TMEM39B: variants seen among roughly 807,000 people sequenced by gnomAD.
The protein encoded by TMEM39B is transmembrane protein 39B.
A neutral mutation model predicts 52.2 loss-of-function variants in TMEM39B; 23 were observed. That is an observed-to-expected ratio of 0.44 (90% CI 0.32 to 0.62). TMEM39B has a LOEUF of 0.62. Ranked by LOEUF, TMEM39B falls within the 20% of genes least tolerant of loss-of-function variation. TMEM39B has a pLI of 0.06. For missense variants in TMEM39B, 547 were observed against 642.0 expected, an observed-to-expected ratio of 0.85 and a Z score of 1.60; for synonymous variants, 285 against 264.0, an observed-to-expected ratio of 1.08 and a Z score of -0.77.
In TMEM39B at chr1:32,102,792, G is replaced by C; in HGVS notation, c.*119G>C. On this transcript the variant is annotated 3_prime_UTR_variant, in exon 9 of 9. Transcript: ENST00000336294. ...AGACAAAAAAATCCACCAGAGCTTT[G>C]TATTTTTGTTACGTACTGTTTCTTT... is the stretch of plus-strand genomic sequence containing the variant. 1.6e-6 allele frequency: 2 copies of C among 1,222,756 alleles called. No homozygotes were observed. The highest frequency in any genetic ancestry group is 1.5e-5 in the African/African-American group (1 of 64,836). The allele number at this position is 1,222,756 out of a possible 1,614,324, so 75.7% of individuals were successfully genotyped here.
chr1:32,074,919 C>CT, intron 1 of TMEM39B, 32 bp from the exon 2 acceptor site: 2 of 1,538,924 alleles, frequency 1.3e-6, no homozygotes, highest in Non-Finnish European at 1.8e-6. Context: ...TGCCCCCTGG[C>CT]TTGAGGCTCT....
chr1:32,088,580 T>C (rs1352221251), intron 5 of TMEM39B, among the ~76,000 whole-genome samples: 2 of 151,748 alleles, frequency 1.3e-5, no homozygotes, highest in Non-Finnish European at 2.9e-5. Context: ...TTTTTTTTTT[T>C]TTCTGATACA....
At chr1:32,098,738 CAA>C (rs1265403730) in intron 7 of TMEM39B, among the ~76,000 whole-genome samples, 1 of 143,212 alleles carries the variant, frequency 7.0e-6, no homozygotes, top group Admixed American at 7.0e-5. Context: ...GACTCTGTCT[CAA>C]AAAAAAAAAG....
chr1:32,099,661 G>A (rs1640944818), intron 7 of TMEM39B, among the ~76,000 whole-genome samples: 1 of 152,166 alleles, frequency 6.6e-6, no homozygotes, highest in Non-Finnish European at 1.5e-5. Flanking sequence ...CATGAGCTGT[G>A]TGGTGAGGGT....
chr1:32,088,184 G>A (rs1408356740), intron 5 of TMEM39B, among the ~76,000 whole-genome samples: 1 of 149,086 alleles, frequency 6.7e-6, no homozygotes, highest in Non-Finnish European at 1.5e-5. Context: ...TTGGGCGGCC[G>A]AAGTGGGCGA....
At position 32,075,708 on chromosome 1, in the gene TMEM39B, G is replaced by A. The variant is rs986144477; in HGVS notation, c.237G>A (p.Leu79=). The A allele has an allele frequency of 8.4e-6, 13 of 1,551,682 alleles. No homozygotes were observed. Among genetic ancestry groups the A allele is most frequent in the Middle Eastern group, 1.7e-4 (1 of 6,012 alleles). ...IPELPVQASI[L]FELQLFFCQL... Reference sequence around the variant, plus strand: ...AGCTGCCAGTCCAGGCCAGCATTCTGTTTGAGTTGCAGCTCTTCTTCTGCC... The same window carrying A: ...AGCTGCCAGTCCAGGCCAGCATTCTATTTGAGTTGCAGCTCTTCTTCTGCC... The change falls in exon 3 of 9, where the codon CTG becomes CTA. Residue 79 remains leucine, a synonymous_variant. Transcript: ENST00000336294.
chr1:32,092,069 G>C (rs1640631841), intron 6 of TMEM39B, 58 bp downstream of exon 6: 4 of 1,514,368 alleles, frequency 2.6e-6, no homozygotes, highest in Admixed American at 1.8e-5. Context: ...CCTGCTGCCT[G>C]CCCGATGTGA....
chr1:32,084,200 C>G (rs1465186458), intron 5 of TMEM39B, among the ~76,000 whole-genome samples: 3 of 152,028 alleles, frequency 2.0e-5, no homozygotes, highest in Admixed American at 6.6e-5. Context: ...TCATCATATC[C>G]TCAAGTTTAT....
chr1:32,075,870 G>A (rs1261097288), intron 3 of TMEM39B, 48 bp downstream of exon 3: 51 of 1,209,968 alleles, frequency 4.2e-5, no homozygotes, highest in Non-Finnish European at 5.3e-5. Context: ...GTGTGCGTGT[G>A]TGTGTATGTG....
At chr1:32,098,484 G>A (rs1640896900) in intron 7 of TMEM39B, among the ~76,000 whole-genome samples, 1 of 152,098 alleles carries the variant, frequency 6.6e-6, no homozygotes, top group Admixed American at 6.5e-5. Context: ...TGTAATCCCA[G>A]CACTTTGGGA....
At chr1:32,075,856 G>T (rs1380640188) in intron 3 of TMEM39B, 34 bp downstream of exon 3, 2 of 1,303,830 alleles carry the variant, frequency 1.5e-6, no homozygotes, top group Non-Finnish European at 2.1e-6. Context: ...GTGTGTGTGT[G>T]TGTGTGTGCG....
chr1:32,091,688 A>G lies in TMEM39B; in HGVS notation c.604A>G (p.Ile202Val), dbSNP rs773655579. The G allele has an allele frequency of 1.3e-5, 21 of 1,603,630 alleles. No individual in the cohort carries two copies. Among genetic ancestry groups the G allele is most frequent in the Middle Eastern group, 1.7e-4 (1 of 5,998 alleles). Residue 202 changes from isoleucine (I) to valine (V), a missense_variant, in exon 6 of 9, where the codon ATT becomes GTT. Ile to Val is a conservative substitution (Grantham distance 29, BLOSUM62 3). Transcript: ENST00000336294. ...LFLCYPFGMY[I>V]PFLQLNCDLR... ...CTTCCCCAGCAGGTTTGGGATGTAC[A>G]TTCCGTTCCTGCAGCTGAATTGCGA... is the stretch of plus-strand genomic sequence containing the variant.
intron 5 of TMEM39B, among the ~76,000 whole-genome samples, chr1:32,079,185 CTTT>C (rs763260333): frequency 2.3e-5 from 3 of 129,164 alleles, no homozygotes; most frequent in East Asian, 2.3e-4. Flanking sequence ...CTATTTCTTT[CTTT>C]TTTTTTTTTT....
Position 32,100,422 on chromosome 1 carries a change from C to G in TMEM39B, c.1116-20C>G. ...GTGGGTGAGCTGGGGATAAGGGGCACCATTGAACTGTGCCCCCAGGTGGAC... is the reference window on the plus strand; with the variant it reads ...GTGGGTGAGCTGGGGATAAGGGGCAGCATTGAACTGTGCCCCCAGGTGGAC... On this transcript the variant is annotated intron_variant, in intron 7 of 8. Transcript: ENST00000336294. 6.4e-7 allele frequency: 1 copy of G among 1,568,284 alleles called. No individual in the cohort carries two copies.
At position 32,091,766 on chromosome 1, in the gene TMEM39B, G is replaced by T; in HGVS notation, c.682G>T (p.Ala228Ser). The T allele has an allele frequency of 6.2e-7, 1 of 1,614,234 alleles. No individual in the cohort carries two copies. ...NHMASMGPRE[A>S]VSGLAKSRDY... ...CATGGCCTCCATGGGGCCCCGGGAG[G>T]CGGTCAGTGGCCTGGCAAAGAGCCG... The change falls in exon 6 of 9, where the codon GCG (alanine) becomes TCG (serine). Residue 228 changes from alanine to serine, a missense_variant. Ala to Ser is a moderately conservative substitution (Grantham distance 99, BLOSUM62 1). Coordinates refer to ENST00000336294, the MANE Select transcript of TMEM39B (RefSeq NM_018056.4).
chr1:32,073,675 A>G, intron 1 of TMEM39B: 2 of 985,626 alleles, frequency 2.0e-6, no homozygotes, highest in Non-Finnish European at 2.4e-6. Flanking sequence ...ATAACAGCGT[A>G]TGAACAGAGC....
chr1:32,095,788 C>A (rs1640786526), intron 7 of TMEM39B: 2 of 152,316 alleles, frequency 1.3e-5, no homozygotes, highest in Non-Finnish European at 2.9e-5. Flanking sequence ...AGCAGAGATG[C>A]AAGCAAGGCC....
chr1:32,076,103 CTT>C (rs1178215057), intron 3 of TMEM39B: 77 of 76,230 alleles, frequency 1.0e-3, no homozygotes, highest in South Asian at 5.6e-3. Context: ...TTCTTTTCTT[CTT>C]TTTTTTTTTT....
chr1:32,073,986 C>A, intron 1 of TMEM39B: 1 of 726,622 alleles, frequency 1.4e-6, no homozygotes, highest in Non-Finnish European at 1.7e-6. Context: ...TGGTCTCAAG[C>A]GATCCTCCCG....
Sources: gnomAD v4.1 joint callset for allele counts (sites outside exome capture counted in the v4.1 genomes callset) on GRCh38, gnomAD v4.1.1 for gene constraint, MANE v1.5 for transcripts, NCBI Gene and HGNC (gene_info 2026-07-23, HGNC 2026-07-21) for gene names.